The following SLC7A5 variants were observed in gnomAD, a reference collection of about 807,000 sequenced individuals.
SLC7A5 encodes large neutral amino acids transporter small subunit 1.
SLC7A5 carries 23 observed loss-of-function variants against 50.2 expected under a neutral mutation model. The observed-to-expected ratio is 0.46, with a 90% confidence interval of 0.33 to 0.65. The LOEUF (loss-of-function observed/expected upper bound fraction) is 0.65, where lower values mean the gene tolerates loss of function less well. Ranked by LOEUF, SLC7A5 falls within the 30% of genes least tolerant of loss-of-function variation. The probability of loss-of-function intolerance (pLI) is 0.02; values close to 1 mark genes in which losing one functional copy is unlikely to be tolerated. For missense variants in SLC7A5, 578 were observed against 684.4 expected (o/e 0.84, Z 1.73); for synonymous variants, 393 against 330.6 (o/e 1.19, Z -2.05).
rs2055404025 is a variant in SLC7A5, at chr16:87,861,971, G to A, written c.538+6914C>T. Among the ~76,000 whole-genome samples, 2 of 152,210 alleles carry A rather than the reference G, an allele frequency of 1.3e-5. No homozygotes were observed. The highest frequency in any genetic ancestry group is 4.8e-5 in the African/African-American group (2 of 41,452). On this transcript the variant is annotated intron_variant, in intron 1 of 9. Coordinates refer to ENST00000261622, the MANE Select transcript of SLC7A5 (RefSeq NM_003486.7). The surrounding 1 kb of genome is among the most constrained non-coding windows in gnomAD (Gnocchi z 4.2). The stretch of plus-strand genomic sequence containing the variant: ...CGCCTGCAATGAGCCCACGGCTTGA[G>A]CTCTGGGGCCCACCCAGCTCCTTAA...
At chr16:87,845,360 T>G (rs1371589668) in intron 2 of SLC7A5, among the ~76,000 whole-genome samples, 2 of 151,630 alleles carry the variant, frequency 1.3e-5, no homozygotes, top group African/African-American at 4.9e-5. Flanking sequence ...CTCAGGGAAG[T>G]CGTGCAGTGA....
At chr16:87,865,895 A>G (rs961799150) in intron 1 of SLC7A5, among the ~76,000 whole-genome samples, 2 of 152,156 alleles carry the variant, frequency 1.3e-5, no homozygotes, top group African/African-American at 4.8e-5. Flanking sequence ...GCTGAGGCAC[A>G]TGCCTGTAAT....
intron 5 of SLC7A5, 141 bp downstream of exon 5, chr16:87,839,561 C>A (rs2143731039): frequency 1.7e-6 from 2 of 1,178,702 alleles, no homozygotes; most frequent in Middle Eastern, 2.8e-4. Flanking sequence ...CTCCACCCCT[C>A]CGGGTAGGGG....
chr16:87,841,045 C>G lies in SLC7A5; in HGVS notation c.770+5G>C. 1 of 1,603,474 alleles carries G rather than the reference C, an allele frequency of 6.2e-7. No individual in the cohort carries two copies. Among genetic ancestry groups the G allele is most frequent in the Non-Finnish European group, 8.5e-7 (1 of 1,170,542 alleles). On this transcript the variant is annotated splice_donor_5th_base_variant and intron_variant, in intron 3 of 9. Coordinates refer to ENST00000261622, the MANE Select transcript of SLC7A5 (RefSeq NM_003486.7). The surrounding 1 kb of genome is among the most constrained non-coding windows in gnomAD (Gnocchi z 4.8). ...ACCAAGGGACCCAGACATTCCAGAA[C>G]CTACCATCCTCCATAGGCAAAGAGG...
intron 7 of SLC7A5, among the ~76,000 whole-genome samples, chr16:87,837,222 G>A (rs1353899853): frequency 6.6e-6 from 1 of 152,206 alleles, no homozygotes; most frequent in Non-Finnish European, 1.5e-5. Flanking sequence ...TGGCTTTGGG[G>A]GAAGCAGCCT....
intron 8 of SLC7A5, 152 bp downstream of exon 8, chr16:87,836,346 G>C: frequency 1.2e-6 from 1 of 839,820 alleles, no homozygotes; most frequent in Non-Finnish European, 1.9e-6. Flanking sequence ...TGGTGGTCAA[G>C]TCATCACCGG....
At chr16:87,864,126 T>A (rs1171613436) in intron 1 of SLC7A5, among the ~76,000 whole-genome samples, 3 of 149,922 alleles carry the variant, frequency 2.0e-5, no homozygotes, top group Non-Finnish European at 4.4e-5. Context: ...ACCCTGTCTC[T>A]ACTAAAAAAT....
At chr16:87,854,444 T>C (rs2055288291) in intron 1 of SLC7A5, among the ~76,000 whole-genome samples, 1 of 152,230 alleles carries the variant, frequency 6.6e-6, no homozygotes, top group South Asian at 2.1e-4. Flanking sequence ...GTTCAGTACC[T>C]TTCGACCTTA....
intron 1 of SLC7A5, among the ~76,000 whole-genome samples, chr16:87,864,257 A>C (rs2055434851): frequency 2.0e-5 from 3 of 151,700 alleles, no homozygotes; most frequent in African/African-American, 7.2e-5. Context: ...GTGCCATTGC[A>C]CTCCAGCCTG....
chr16:87,842,820 G>A (rs1229273887), intron 2 of SLC7A5, among the ~76,000 whole-genome samples: 4 of 152,080 alleles, frequency 2.6e-5, no homozygotes, highest in East Asian at 1.9e-4. Flanking sequence ...GGCCTGGAGC[G>A]GGGGCAGCTC....
chr16:87,869,030 G>A lies in SLC7A5; in HGVS notation c.393C>T (p.Leu131=). The change falls in exon 1 of 10, where the codon CTC becomes CTT. Residue 131 remains leucine (L), a synonymous_variant. Coordinates refer to ENST00000261622, the MANE Select transcript of SLC7A5 (RefSeq NM_003486.7). ...LEVYGSLPAF[L]KLWIELLIIR... is the part of the protein sequence containing the mutation. ...TGATGAGCAGCTCGATCCAGAGCTTGAGGAAGGCGGGCAGCGAGCCGTAGA... is the reference window on the plus strand; with the variant it reads ...TGATGAGCAGCTCGATCCAGAGCTTAAGGAAGGCGGGCAGCGAGCCGTAGA... The A allele has an allele frequency of 6.8e-6, 11 of 1,611,754 alleles. No individual in the cohort carries two copies. The highest frequency in any genetic ancestry group is 8.5e-6 in the Non-Finnish European group (10 of 1,179,820).
chr16:87,835,659 A>G (rs1472385526), intron 8 of SLC7A5, among the ~76,000 whole-genome samples: 1 of 152,030 alleles, frequency 6.6e-6, no homozygotes, highest in Non-Finnish European at 1.5e-5. Flanking sequence ...TATTTTTAGT[A>G]GAGACGGGGT....
At chr16:87,843,735 G>A (rs1182774067) in intron 2 of SLC7A5, among the ~76,000 whole-genome samples, 1 of 152,272 alleles carries the variant, frequency 6.6e-6, no homozygotes, top group African/African-American at 2.4e-5. Flanking sequence ...GCAGGAGGCC[G>A]GGGATGCTGC....
In SLC7A5 at chr16:87,843,226, G is replaced by C. The variant is rs138429764; in HGVS notation, c.665-2071C>G. 3.6e-3 allele frequency among the ~76,000 whole-genome samples: 553 copies of C among 152,132 alleles called. 5 individuals are homozygous for C. Among genetic ancestry groups the C allele is most frequent in the African/African-American group, 0.013 (535 of 41,528 alleles). On this transcript the variant is annotated intron_variant, in intron 2 of 9. Coordinates refer to ENST00000261622, the MANE Select transcript of SLC7A5 (RefSeq NM_003486.7). ...ATAGCTGACCTCCAGCCTCATGACA[G>C]AAAGGCGGCTGATCCTACACAGAGG...
chr16:87,837,956 G>C lies in SLC7A5; in HGVS notation c.1044-15C>G. On this transcript the variant is annotated splice_polypyrimidine_tract_variant and intron_variant, in intron 6 of 9. Transcript: ENST00000261622. ...CGAAGAAGAGCCTGTGGACAGACAA[G>C]AGTGGCAGAGTCAGCCACCGCCCCA... 1 of 1,584,392 alleles carries C rather than the reference G, an allele frequency of 6.3e-7. No homozygotes were observed. The highest frequency in any genetic ancestry group is 2.3e-5 in the East Asian group (1 of 44,102).
intron 7 of SLC7A5, among the ~76,000 whole-genome samples, chr16:87,837,035 G>C (rs1032512310): frequency 3.3e-5 from 5 of 152,242 alleles, no homozygotes; most frequent in African/African-American, 1.2e-4. Flanking sequence ...CAAGAAAACA[G>C]TTTCTGTAAC....
At chr16:87,867,297 A>G (rs2055475210) in intron 1 of SLC7A5, among the ~76,000 whole-genome samples, 1 of 152,214 alleles carries the variant, frequency 6.6e-6, no homozygotes, top group Non-Finnish European at 1.5e-5. Flanking sequence ...CCGGGCCGAC[A>G]TGTACCTAGG....
intron 2 of SLC7A5, among the ~76,000 whole-genome samples, chr16:87,843,025 C>A (rs28609922): frequency 0.35 from 53,077 of 151,920 alleles, 10,631 homozygotes; most frequent in South Asian, 0.57. Context: ...ACCTGCCAGG[C>A]TGCTTGAGAA....
intron 1 of SLC7A5, among the ~76,000 whole-genome samples, chr16:87,859,207 T>G (rs2055357706): frequency 1.3e-5 from 2 of 152,244 alleles, no homozygotes; most frequent in African/African-American, 4.8e-5. Flanking sequence ...GACTCAGAGC[T>G]CCAGGGACAG....
Sources: allele counts gnomAD v4.1 joint callset (sites outside exome capture counted in the v4.1 genomes callset), GRCh38; gene constraint gnomAD v4.1.1; non-coding constraint Gnocchi (gnomAD v3.1); transcripts MANE v1.5; gene names NCBI Gene and HGNC (gene_info 2026-07-23, HGNC 2026-07-21).